Variants in PKD2 observed in about 807,000 individuals in gnomAD.
PKD2 encodes polycystin-2.
A neutral mutation model predicts 105.9 loss-of-function variants in PKD2; 48 were observed. That is an observed-to-expected ratio of 0.45 (90% CI 0.36 to 0.58). The LOEUF (loss-of-function observed/expected upper bound fraction) is 0.58. Ranked by LOEUF, PKD2 falls within the 20% of genes least tolerant of loss-of-function variation. The pLI, the probability that PKD2 is intolerant of heterozygous loss-of-function variation, is 0.00. For missense variants in PKD2, 1,078 were observed against 1,255.3 expected (o/e 0.86, Z 2.13); for synonymous variants, 464 against 481.1 (o/e 0.96, Z 0.46).
chr4:88,054,342 G>A (rs967712257), intron 7 of PKD2, among the ~76,000 whole-genome samples: 3 of 151,378 alleles, frequency 2.0e-5, no homozygotes, highest in Admixed American at 6.6e-5. Context: ...CAGAGGTTGC[G>A]GTGAGCTGAA....
intron 2 of PKD2, among the ~76,000 whole-genome samples, chr4:88,026,616 T>A (rs1366781909): frequency 6.6e-6 from 1 of 152,170 alleles, no homozygotes. Context: ...CTGGAGAAAT[T>A]TGCATAAGTA....
At chr4:88,027,477 A>G (rs1178926018) in intron 2 of PKD2, among the ~76,000 whole-genome samples, 2 of 152,234 alleles carry the variant, frequency 1.3e-5, no homozygotes, top group African/African-American at 4.8e-5. Flanking sequence ...GGAAGTAACT[A>G]ACTTGCTTTT....
At chr4:88,011,581 T>G (rs1467598630) in intron 1 of PKD2, among the ~76,000 whole-genome samples, 1 of 152,216 alleles carries the variant, frequency 6.6e-6, no homozygotes, top group Non-Finnish European at 1.5e-5. Context: ...TTGTATTTAA[T>G]AAGTGACCTC....
rs529281645 is a variant in PKD2, at chr4:88,016,235, T to C, written c.596-3223T>C. Among the ~76,000 whole-genome samples the C allele has an allele frequency of 7.6e-4, 115 of 152,284 alleles. 1 individual carries two copies. The Middle Eastern group carries it at 0.017, about 23-fold the overall frequency. ...AGCCTGGGGACTGGGGACCCTGCTT[T>C]AGATGATGTACTCTGGCTTTGCATT... On this transcript the variant is annotated intron_variant, in intron 1 of 14. Transcript: ENST00000237596.
intron 2 of PKD2, among the ~76,000 whole-genome samples, chr4:88,020,829 A>G (rs1726723437): frequency 6.6e-6 from 1 of 152,016 alleles, no homozygotes; most frequent in African/African-American, 2.4e-5. Flanking sequence ...AGCTGGGACT[A>G]CAGCTGCACA....
chr4:88,071,975 CTTTTTTTTTTTTTTTT>C (rs1199490302), intron 13 of PKD2, among the ~76,000 whole-genome samples: 1 of 87,110 alleles, frequency 1.1e-5, no homozygotes, highest in African/African-American at 4.8e-5. Flanking sequence ...AGAGGCCAGT[CTTTTTTTTTTTTTTTT>C]TTTTTTTTTG....
intron 2 of PKD2, among the ~76,000 whole-genome samples, chr4:88,022,855 G>C (rs755424049): frequency 6.6e-6 from 1 of 152,172 alleles, no homozygotes; most frequent in African/African-American, 2.4e-5. Context: ...GGCTGAAGCA[G>C]GTGTAATGGT....
At chr4:88,074,141 G>C (rs1220254826) in intron 13 of PKD2, among the ~76,000 whole-genome samples, 1 of 151,734 alleles carries the variant, frequency 6.6e-6, no homozygotes, top group East Asian at 1.9e-4. Flanking sequence ...GGTGTTTTTT[G>C]TTTGTTTGTT....
intron 4 of PKD2, among the ~76,000 whole-genome samples, chr4:88,041,687 C>T (rs1228222627): frequency 6.6e-6 from 1 of 152,168 alleles, no homozygotes; most frequent in Non-Finnish European, 1.5e-5. Context: ...AAATTCCCGA[C>T]TCTCAGAAGG....
At chr4:88,014,241 G>C (rs923013733) in intron 1 of PKD2, among the ~76,000 whole-genome samples, 6 of 152,238 alleles carry the variant, frequency 3.9e-5, no homozygotes, top group African/African-American at 1.2e-4. Flanking sequence ...GATTTCCAGA[G>C]AAAGAAAAGC....
At chr4:88,025,730 A>T (rs1182142283) in intron 2 of PKD2, among the ~76,000 whole-genome samples, 2 of 152,134 alleles carry the variant, frequency 1.3e-5, no homozygotes, top group African/African-American at 4.8e-5. Context: ...ATCCCCGTGT[A>T]TTGACGGAGG....
chr4:88,045,085 G>A (rs761217809), intron 5 of PKD2, among the ~76,000 whole-genome samples: 3 of 152,200 alleles, frequency 2.0e-5, no homozygotes, highest in African/African-American at 7.2e-5. Flanking sequence ...ATTTATAGAA[G>A]GTCTTGAGTA....
At chr4:88,009,424 TTCC>T (rs1243381722) in intron 1 of PKD2, among the ~76,000 whole-genome samples, 1 of 152,316 alleles carries the variant, frequency 6.6e-6, no homozygotes, top group East Asian at 1.9e-4. Flanking sequence ...GAAATCCCAG[TTCC>T]ACCACTCATT....
At position 88,043,436 on chromosome 4, in the gene PKD2, T is replaced by C. The variant is rs1192846098; in HGVS notation, c.1298T>C (p.Ile433Thr). Residue 433 changes from isoleucine to threonine, a missense_variant, in exon 5 of 15, where the codon ATT becomes ACT. Physicochemically the swap from Ile to Thr is moderately conservative, Grantham distance 89 (BLOSUM62 -1). Around this residue, in one of 2 missense-constraint regions of PKD2, gnomAD observed 868 missense variants for 1,067.3 expected, o/e 0.81. Transcript: ENST00000237596. ...GACTTCTCAGTGTACAACGCCAACA[T>C]TAACCTGTTCTGTGTGGTCAGGTGT... ...FIDFSVYNAN[I>T]NLFCVVRLLV... 1 of 1,612,774 alleles carries C rather than the reference T, an allele frequency of 6.2e-7. No individual in the cohort carries two copies. The highest frequency in any genetic ancestry group is 1.3e-5 in the African/African-American group (1 of 75,000).
intron 1 of PKD2, among the ~76,000 whole-genome samples, chr4:88,015,689 T>C (rs1359715787): frequency 6.6e-6 from 1 of 152,250 alleles, no homozygotes. Context: ...CCCAGAGTGC[T>C]GGGATTACAG....
chr4:88,018,206 T>C (rs578205279), intron 1 of PKD2, among the ~76,000 whole-genome samples: 1 of 152,192 alleles, frequency 6.6e-6, no homozygotes, highest in Non-Finnish European at 1.5e-5. Context: ...CGTAACACAG[T>C]GTTTTTGAAT....
At chr4:88,063,485 C>T (rs537424741) in intron 10 of PKD2, among the ~76,000 whole-genome samples, 2 of 150,504 alleles carry the variant, frequency 1.3e-5, no homozygotes, top group East Asian at 3.9e-4. Flanking sequence ...GAGCCGAGAT[C>T]GTGCCATTGC....
chr4:88,063,894 C>G (rs1720679013), intron 10 of PKD2, among the ~76,000 whole-genome samples: 1 of 151,484 alleles, frequency 6.6e-6, no homozygotes, highest in Admixed American at 6.6e-5. Context: ...GTGGCTTACT[C>G]CTGTAATCCC....
chr4:88,074,471 A>G (rs895820900), intron 13 of PKD2, among the ~76,000 whole-genome samples: 2 of 152,210 alleles, frequency 1.3e-5, no homozygotes, highest in Non-Finnish European at 2.9e-5. Flanking sequence ...CCATTTTTCA[A>G]TGATCCGCGA....
Sources: gnomAD v4.1 joint callset for allele counts (sites outside exome capture counted in the v4.1 genomes callset) on GRCh38, gnomAD v4.1.1 for gene constraint, gnomAD v4.1.1 regional missense constraint, MANE v1.5 for transcripts, NCBI Gene and HGNC (gene_info 2026-07-23, HGNC 2026-07-21) for gene names.